The following PLB1 variants were observed in gnomAD, a reference collection of about 807,000 sequenced individuals.
PLB1 encodes phospholipase B1, also known as phospholipase B1, membrane-associated.
A neutral mutation model predicts 227.4 loss-of-function variants in PLB1; 242 were observed. The ratio of observed to expected loss-of-function variants is 1.06; its 90% CI spans 0.96 to 1.18. The LOEUF is 1.18. PLB1 is among the 50% of genes most tolerant of loss of function. The probability of loss-of-function intolerance (pLI) is 0.00; values close to 1 mark genes in which losing one functional copy is unlikely to be tolerated. For synonymous variants in PLB1, 757 were observed against 682.2 expected (o/e 1.11, Z -1.71); for missense variants, 1,858 against 1,816.3 (o/e 1.02, Z -0.42).
intron 22 of PLB1, among the ~76,000 whole-genome samples, chr2:28,579,097 A>T (rs1679481675): frequency 6.6e-6 from 1 of 152,178 alleles, no homozygotes; most frequent in Non-Finnish European, 1.5e-5. Flanking sequence ...TTGTGCTTAG[A>T]GCTGCCACCT....
intron 44 of PLB1, among the ~76,000 whole-genome samples, chr2:28,615,575 CCT>C (rs1268749723): frequency 2.6e-5 from 4 of 152,212 alleles, no homozygotes; most frequent in African/African-American, 4.8e-5. Flanking sequence ...CTGTGTCCAG[CCT>C]CTCTGAATTT....
Position 28,582,099 on chromosome 2 carries a change from A to G in PLB1, c.1598A>G (p.Asn533Ser), listed in dbSNP as rs769550701. ...VHYSPQNFTD[N>S]IGKALDILHA... ...TATTCTCCCCAGAACTTCACAGACAACATTGGAAAGGCCCTGGACATCCTC... is the reference window on the plus strand; with the variant it reads ...TATTCTCCCCAGAACTTCACAGACAGCATTGGAAAGGCCCTGGACATCCTC... The change falls in exon 24 of 58, where the codon AAC becomes AGC. Residue 533 changes from asparagine (N) to serine (S), a missense_variant. Coordinates refer to ENST00000327757, the MANE Select transcript of PLB1 (RefSeq NM_153021.5). 7 of 1,614,052 alleles carry G rather than the reference A, an allele frequency of 4.3e-6. 1 individual carries two copies. In the South Asian group the frequency reaches 7.7e-5, roughly 18 times the overall value.
At chr2:28,565,410 C>A in intron 19 of PLB1, 57 bp downstream of exon 19, 1 of 1,479,380 alleles carries the variant, frequency 6.8e-7, no homozygotes, top group South Asian at 1.2e-5. Flanking sequence ...CAAGGGAAGC[C>A]CCCTGAGTGT....
intron 25 of PLB1, among the ~76,000 whole-genome samples, chr2:28,582,916 G>A (rs1680289105): frequency 6.6e-6 from 1 of 152,158 alleles, no homozygotes; most frequent in African/African-American, 2.4e-5. Flanking sequence ...CTAGGACAGG[G>A]GTGCCTCTGG....
At chr2:28,529,840 A>T in intron 8 of PLB1, 61 bp downstream of exon 8, 1 of 1,532,730 alleles carries the variant, frequency 6.5e-7, no homozygotes, top group South Asian at 1.1e-5. Flanking sequence ...AGGCGGGCAG[A>T]CCGAAGTGAT....
chr2:28,521,525 T>C (rs1010640924), intron 4 of PLB1, among the ~76,000 whole-genome samples: 1 of 152,224 alleles, frequency 6.6e-6, no homozygotes, highest in Admixed American at 6.5e-5. Flanking sequence ...CATGGTGGTT[T>C]TGATTTGCAT....
chr2:28,515,964 G>C (rs1668800351), intron 1 of PLB1, among the ~76,000 whole-genome samples: 1 of 152,166 alleles, frequency 6.6e-6, no homozygotes, highest in Non-Finnish European at 1.5e-5. Flanking sequence ...GATTATAACT[G>C]AATAAAACAT....
At chr2:28,575,594 A>G (rs1426118048) in intron 21 of PLB1, among the ~76,000 whole-genome samples, 1 of 152,162 alleles carries the variant, frequency 6.6e-6, no homozygotes, top group Admixed American at 6.5e-5. Flanking sequence ...TGTTTGAGAC[A>G]GAGTCTCACT....
At chr2:28,608,409 G>C (rs1313309100) in intron 43 of PLB1, among the ~76,000 whole-genome samples, 1 of 152,212 alleles carries the variant, frequency 6.6e-6, no homozygotes, top group African/African-American at 2.4e-5. Flanking sequence ...CAGGCAACAG[G>C]CAAGACGCAG....
chr2:28,602,821 G>T lies in PLB1; in HGVS notation c.2674G>T (p.Val892Leu). The part of the protein sequence containing the change: ...RNALDVLHRE[V>L]PRVLVNLVDF... ...CTCTCATCTGCAGCTTTTCCCTTAG[G>T]TGCCCAGAGTCCTGGTCAACCTCGT... Residue 892 changes from valine (V) to leucine (L), a missense_variant and splice_region_variant, in exon 39 of 58, where the codon GTG becomes TTG. Coordinates refer to ENST00000327757, the MANE Select transcript of PLB1 (RefSeq NM_153021.5). The T allele has an allele frequency of 6.2e-7, 1 of 1,613,862 alleles. No individual in the cohort carries two copies. Among genetic ancestry groups the T allele is most frequent in the Non-Finnish European group, 8.5e-7 (1 of 1,179,792 alleles).
chr2:28,603,016 GT>G, intron 39 of PLB1, 95 bp downstream of exon 39: 2 of 1,083,956 alleles, frequency 1.8e-6, no homozygotes, highest in Non-Finnish European at 2.8e-6. Context: ...TTGTGACTTG[GT>G]CTATCCATGT....
intron 37 of PLB1, 124 bp downstream of exon 37, chr2:28,601,456 A>G: frequency 1.4e-6 from 1 of 691,740 alleles, no homozygotes. Flanking sequence ...CTATGTCTGC[A>G]CATATACACA....
intron 4 of PLB1, among the ~76,000 whole-genome samples, chr2:28,524,836 C>G (rs949786070): frequency 1.5e-5 from 2 of 137,276 alleles, no homozygotes; most frequent in Non-Finnish European, 3.1e-5. Context: ...GGTTCTCTCT[C>G]TCTCTCTCTT....
At chr2:28,523,358 T>TC (rs1669794174) in intron 4 of PLB1, among the ~76,000 whole-genome samples, 2 of 145,734 alleles carry the variant, frequency 1.4e-5, no homozygotes, top group Admixed American at 6.9e-5. Flanking sequence ...TTTTTTTTTT[T>TC]CTAACTCAGT....
chr2:28,612,487 A>G (rs1052655557), intron 43 of PLB1, among the ~76,000 whole-genome samples: 4 of 152,150 alleles, frequency 2.6e-5, no homozygotes, highest in African/African-American at 9.7e-5. Flanking sequence ...GCAGCTGCTC[A>G]TCTATAAAGT....
At position 28,518,548 on chromosome 2, in the gene PLB1, C is replaced by T. The variant is rs1334168252; in HGVS notation, c.184+16C>T. The stretch of plus-strand genomic sequence containing the variant: ...TCTAAATCAGGTATGTAACCCTTGG[C>T]CATGAGCAGGAAAAGCCTGGCGTTT... On this transcript the variant is annotated intron_variant, in intron 3 of 57. Coordinates refer to ENST00000327757, the MANE Select transcript of PLB1 (RefSeq NM_153021.5). The T allele has an allele frequency of 6.3e-7, 1 of 1,597,962 alleles. No homozygotes were observed. Among genetic ancestry groups the T allele is most frequent in the African/African-American group, 1.3e-5 (1 of 74,542 alleles).
chr2:28,575,745 G>T (rs4341890), intron 21 of PLB1, among the ~76,000 whole-genome samples: 1 of 151,808 alleles, frequency 6.6e-6, no homozygotes, highest in Non-Finnish European at 1.5e-5. Context: ...TAGAGACAGC[G>T]TTTCACCGTG....
rs57277349 is a variant in PLB1 at position 28,555,863 on chromosome 2, CTT to C, written c.1147+2889_1147+2890del. 7.0e-5 allele frequency among the ~76,000 whole-genome samples: 9 copies of C among 128,158 alleles called. No homozygotes were observed. The South Asian group carries it at 1.2e-3, about 18-fold the overall frequency. The allele number at this position is 128,158 out of a possible 152,430, so 84.1% of individuals were successfully genotyped here. A position where few individuals can be genotyped will look rare whatever the true frequency, so the allele number is the denominator to read the frequency against. ...GCATTTTGCCTTCAAAGTTACTTTC[CTT>C]TTTTTTTTTTTTTTTTCTTTTTTGA... On this transcript the variant is annotated intron_variant, in intron 17 of 57. Transcript: ENST00000327757.
At chr2:28,503,785 T>C (rs1195292108) in intron 1 of PLB1, among the ~76,000 whole-genome samples, 3 of 152,204 alleles carry the variant, frequency 2.0e-5, no homozygotes, top group East Asian at 1.9e-4. Flanking sequence ...CAAAGCCTTC[T>C]AATGTCCGGT....
Sources: gnomAD v4.1 joint callset for allele counts (sites outside exome capture counted in the v4.1 genomes callset) on GRCh38, gnomAD v4.1.1 for gene constraint, MANE v1.5 for transcripts, NCBI Gene and HGNC (gene_info 2026-07-23, HGNC 2026-07-21) for gene names.